FDFT1: variants seen among roughly 807,000 people sequenced by gnomAD.
The protein encoded by FDFT1 is farnesyl-diphosphate farnesyltransferase 1.
In FDFT1, 68 loss-of-function variants were observed where a neutral mutation model predicts 46.8. The ratio of observed to expected loss-of-function variants is 1.45; its 90% CI spans 1.19 to 1.78. The LOEUF (loss-of-function observed/expected upper bound fraction) is 1.78. FDFT1 is among the 40% of genes most tolerant of loss of function. The pLI is 0.00. For synonymous variants in FDFT1, 351 were observed against 185.1 expected (o/e 1.90, Z -7.28); for missense variants, 928 against 524.4 (o/e 1.77, Z -7.52).
intron 1 of FDFT1, among the ~76,000 whole-genome samples, chr8:11,805,913 G>A (rs80079870): frequency 1.2e-3 from 179 of 152,336 alleles, no homozygotes; most frequent in African/African-American, 3.8e-3. Flanking sequence ...GATTGAGTAA[G>A]GATCACAGGT....
chr8:11,833,307 A>G (rs1344049127), intron 7 of FDFT1, among the ~76,000 whole-genome samples: 1 of 152,230 alleles, frequency 6.6e-6, no homozygotes, highest in Admixed American at 6.5e-5. Flanking sequence ...GGCTAGGGTC[A>G]TAATTTGAAC....
At chr8:11,820,862 C>G (rs928093155) in intron 3 of FDFT1, among the ~76,000 whole-genome samples, 1 of 152,242 alleles carries the variant, frequency 6.6e-6, no homozygotes, top group Admixed American at 6.5e-5. Context: ...GGCTCACCCT[C>G]CATGGGCTGC....
rs375514114 is a variant in FDFT1, at chr8:11,809,649, G to A, written c.198-18G>A. The A allele has an allele frequency of 6.3e-7, 1 of 1,578,704 alleles. No individual in the cohort carries two copies. The highest frequency in any genetic ancestry group is 1.4e-5 in the African/African-American group (1 of 73,322). ...GGCTGTTTGTTCCAATATATTAATA[G>A]TTTTCCCTTTTTTACAGCAACGCAG... On this transcript the variant is annotated intron_variant, in intron 2 of 7. Transcript: ENST00000220584.
chr8:11,806,851 C>G (rs562274003), intron 1 of FDFT1, among the ~76,000 whole-genome samples: 1 of 152,258 alleles, frequency 6.6e-6, no homozygotes, highest in South Asian at 2.1e-4. Flanking sequence ...ATTCATGACA[C>G]CACTTCTGAA....
chr8:11,800,932 G>C (rs1041329642), upstream of FDFT1, among the ~76,000 whole-genome samples: 18 of 152,202 alleles, frequency 1.2e-4, no homozygotes, highest in East Asian at 1.5e-3. Flanking sequence ...TAGGGACTTA[G>C]GATTTTTAGT....
intron 4 of FDFT1, among the ~76,000 whole-genome samples, chr8:11,825,210 C>T (rs369911454): frequency 7.3e-4 from 111 of 152,206 alleles, no homozygotes; most frequent in African/African-American, 2.5e-3. Context: ...CATCTTTCAT[C>T]GTTGCCTTCT....
chr8:11,837,189 G>T (rs1173133747), intron 7 of FDFT1, among the ~76,000 whole-genome samples: 1 of 152,262 alleles, frequency 6.6e-6, no homozygotes, highest in Non-Finnish European at 1.5e-5. Flanking sequence ...GAGGTGTGCA[G>T]CAGCATCGCA....
chr8:11,838,031 T>C (rs1203674976), intron 7 of FDFT1, among the ~76,000 whole-genome samples: 2 of 152,182 alleles, frequency 1.3e-5, no homozygotes, highest in African/African-American at 4.8e-5. Context: ...CCTTTCGTCA[T>C]GTTAGTCTGT....
chr8:11,797,160 G>T (rs1429695161), intron 1 of FDFT1, among the ~76,000 whole-genome samples: 1 of 152,160 alleles, frequency 6.6e-6, no homozygotes, highest in Non-Finnish European at 1.5e-5. Context: ...GGCTGCTTCG[G>T]CCCCTCCCTG....
chr8:11,799,326 C>G (rs559875347), upstream of FDFT1, among the ~76,000 whole-genome samples: 4 of 152,340 alleles, frequency 2.6e-5, no homozygotes, highest in African/African-American at 4.8e-5. Context: ...TAGTCACTGT[C>G]TGGTGGAGCT....
chr8:11,832,518 C>G (rs1244096968), intron 7 of FDFT1, among the ~76,000 whole-genome samples: 4 of 125,748 alleles, frequency 3.2e-5, no homozygotes, highest in Non-Finnish European at 6.3e-5. Flanking sequence ...CATCATTGCA[C>G]TCTAGCCTGG....
At chr8:11,803,567 A>T in intron 1 of FDFT1, 1 of 957,836 alleles carries the variant, frequency 1.0e-6, no homozygotes, top group Non-Finnish European at 1.4e-6. Context: ...TGCCTGTACT[A>T]TTTGTTTAAT....
chr8:11,798,908 C>G (rs1042758962), upstream of FDFT1, among the ~76,000 whole-genome samples: 1 of 152,176 alleles, frequency 6.6e-6, no homozygotes, highest in Non-Finnish European at 1.5e-5. Context: ...TTTATTTCTT[C>G]TAAAGGGTTA....
upstream of FDFT1, chr8:11,802,507 G>A (rs1047529355): frequency 1.6e-5 from 8 of 507,640 alleles, no homozygotes; most frequent in South Asian, 1.2e-4. Context: ...AATCCCGCTC[G>A]TCGGCCTCTT....
chr8:11,814,096 T>A (rs1344244081), intron 3 of FDFT1, among the ~76,000 whole-genome samples: 1 of 152,210 alleles, frequency 6.6e-6, no homozygotes, highest in African/African-American at 2.4e-5. Context: ...TGACCTTTCC[T>A]CTCTAATAAA....
chr8:11,797,241 A>C (rs554308598), upstream of FDFT1, among the ~76,000 whole-genome samples: 1 of 152,124 alleles, frequency 6.6e-6, no homozygotes, highest in African/African-American at 2.4e-5. Context: ...CTTCTATCTC[A>C]TTTTGAGTTC....
At chr8:11,798,645 A>T (rs1214138853), upstream of FDFT1, among the ~76,000 whole-genome samples, 1 of 152,214 alleles carries the variant, frequency 6.6e-6, no homozygotes, top group Non-Finnish European at 1.5e-5. Flanking sequence ...ATTTAATGGA[A>T]GAGAGATTTA....
chr8:11,803,503 A>C, intron 1 of FDFT1: 3 of 1,224,456 alleles, frequency 2.5e-6, no homozygotes, highest in South Asian at 2.9e-5. Flanking sequence ...TGGATTAGCT[A>C]GGTGGTTGGT....
rs766941596 is a variant in FDFT1, at chr8:11,809,672, C to T, written c.203C>T (p.Ala68Val). 24 of 1,608,108 alleles carry T rather than the reference C, an allele frequency of 1.5e-5. No homozygotes were observed. Among genetic ancestry groups the T allele is most frequent in the Non-Finnish European group, 2.0e-5 (23 of 1,177,494 alleles). The change falls in exon 3 of 8, where the codon GCA (alanine) becomes GTA (valine). Residue 68 changes from alanine to valine, a missense_variant. Transcript: ENST00000220584. ...TAGTTTTCCCTTTTTTACAGCAACGCAGTGTGCATATTTTATCTGGTTCTC... is the reference window on the plus strand; with the variant it reads ...TAGTTTTCCCTTTTTTACAGCAACGTAGTGTGCATATTTTATCTGGTTCTC... The part of the protein sequence containing the change: ...IQALDGEMRN[A>V]VCIFYLVLRA...
Sources: allele counts gnomAD v4.1 joint callset (sites outside exome capture counted in the v4.1 genomes callset), GRCh38; gene constraint gnomAD v4.1.1; transcripts MANE v1.5; gene names NCBI Gene and HGNC (gene_info 2026-07-23, HGNC 2026-07-21).